Variants in ELAPOR2 observed in about 807,000 individuals in gnomAD.
ELAPOR2 encodes the protein endosome-lysosome associated apoptosis and autophagy regulator family member 2.
ELAPOR2 carries 89 observed loss-of-function variants against 120.7 expected under a neutral mutation model. The ratio of observed to expected loss-of-function variants is 0.74; its 90% CI spans 0.62 to 0.88. The LOEUF (loss-of-function observed/expected upper bound fraction) is 0.88, where lower values mean the gene tolerates loss of function less well. Ranked by LOEUF, ELAPOR2 falls within the 40% of genes least tolerant of loss-of-function variation. The pLI, the probability that ELAPOR2 is intolerant of heterozygous loss-of-function variation, is 0.00. For missense variants in ELAPOR2, 1,134 were observed against 1,251.6 expected (o/e 0.91, Z 1.42); for synonymous variants, 444 against 444.9 (o/e 1.00, Z 0.03).
rs1210293633 is a variant in ELAPOR2 at position 86,908,528 on chromosome 7, G to T, written c.2375C>A (p.Thr792Asn). Residue 792 changes from threonine (T) to asparagine (N), a missense_variant, in exon 17 of 22, where the codon ACC becomes AAC. Around this residue, in one of 3 missense-constraint regions of ELAPOR2, gnomAD observed 831 missense variants for 867.6 expected, o/e 0.96. Coordinates refer to ENST00000450689, the MANE Select transcript of ELAPOR2 (RefSeq NM_001142749.3). ...ADTFIGVTVE[T>N]TLKNINIKED... ...TTTTATATTAATATTTTTCAATGTG[G>T]TTTCAACTGTGACTCCTAGATGACA... is the stretch of plus-strand genomic sequence containing the variant. 1.7e-5 allele frequency: 26 copies of T among 1,544,744 alleles called. No homozygotes were observed. Among genetic ancestry groups the T allele is most frequent in the Non-Finnish European group, 2.2e-5 (25 of 1,135,004 alleles).
intron 21 of ELAPOR2, among the ~76,000 whole-genome samples, chr7:86,887,778 C>T (rs1423771459): frequency 6.6e-6 from 1 of 152,102 alleles, no homozygotes; most frequent in Admixed American, 6.6e-5. Context: ...ATCCACACAT[C>T]TTAATACAGC....
chr7:87,005,530 GT>G (rs1562964931), intron 1 of ELAPOR2, among the ~76,000 whole-genome samples: 5 of 152,280 alleles, frequency 3.3e-5, no homozygotes, highest in African/African-American at 9.6e-5. Flanking sequence ...CTGAATGTAG[GT>G]TTTTATGAAT....
chr7:86,908,412 A>G (rs1287443540), intron 17 of ELAPOR2, 35 bp downstream of exon 17: 1 of 1,161,370 alleles, frequency 8.6e-7, no homozygotes, highest in South Asian at 1.4e-5. Flanking sequence ...TCTTTTGGTT[A>G]AAATATAGTC....
At chr7:87,006,129 A>G (rs1793461096) in intron 1 of ELAPOR2, among the ~76,000 whole-genome samples, 1 of 152,180 alleles carries the variant, frequency 6.6e-6, no homozygotes, top group Non-Finnish European at 1.5e-5. Flanking sequence ...ACCTTTTAGC[A>G]CATACACGGG....
At chr7:87,050,671 A>C (rs1043715961) in intron 1 of ELAPOR2, among the ~76,000 whole-genome samples, 1 of 152,222 alleles carries the variant, frequency 6.6e-6, no homozygotes, top group East Asian at 1.9e-4. Flanking sequence ...AAGGGTGTTG[A>C]ACAAAAGAAT....
At chr7:86,945,151 C>T (rs1292425386) in intron 3 of ELAPOR2, 105 bp from the exon 4 acceptor site, 4 of 983,700 alleles carry the variant, frequency 4.1e-6, no homozygotes, top group African/African-American at 3.4e-5. Flanking sequence ...CAGCAAAGTA[C>T]AGCAGAAAAC....
At chr7:86,909,745 A>G (rs1646854528) in intron 16 of ELAPOR2, 67 bp downstream of exon 16, 1 of 1,330,754 alleles carries the variant, frequency 7.5e-7, no homozygotes. Context: ...CAATACAATG[A>G]CAAGTTATTC....
intron 1 of ELAPOR2, among the ~76,000 whole-genome samples, chr7:87,049,257 G>C (rs1273948843): frequency 2.7e-5 from 4 of 149,970 alleles, no homozygotes; most frequent in African/African-American, 9.8e-5. Context: ...TGTAGATTGA[G>C]AGGAAGGGAT....
At chr7:86,919,365 C>A in intron 10 of ELAPOR2, 55 bp from the exon 11 acceptor site, 2 of 1,073,236 alleles carry the variant, frequency 1.9e-6, no homozygotes, top group South Asian at 1.5e-5. Context: ...TGATCTCCAA[C>A]AATCTGTTTA....
chr7:87,042,857 C>A (rs1310640919), intron 1 of ELAPOR2, among the ~76,000 whole-genome samples: 1 of 152,020 alleles, frequency 6.6e-6, no homozygotes, highest in Non-Finnish European at 1.5e-5. Flanking sequence ...AATTGAATGA[C>A]CACTAGAAAG....
rs1765907570 is a variant in ELAPOR2, at chr7:86,940,368, C to CA, written c.742-254dup. ...AGAAATCTTCAAGTCTAAACAAACACAAAAAATGATTCTCAAACCATCTGC... is the reference window on the plus strand; with the variant it reads ...AGAAATCTTCAAGTCTAAACAAACACAAAAAAATGATTCTCAAACCATCTGC... On this transcript the variant is annotated intron_variant, in intron 5 of 21. Transcript: ENST00000450689. 2.6e-5 allele frequency among the ~76,000 whole-genome samples: 4 copies of CA among 151,960 alleles called. No homozygotes were observed. In the South Asian group the frequency reaches 8.3e-4, roughly 31 times the overall value.
chr7:86,924,451 C>T (rs1216985623), intron 10 of ELAPOR2, among the ~76,000 whole-genome samples: 1 of 151,438 alleles, frequency 6.6e-6, no homozygotes, highest in East Asian at 1.9e-4. Context: ...CCCTTGCCTT[C>T]CCAATCTTAT....
At chr7:86,914,446 A>C (rs1282915031) in intron 13 of ELAPOR2, among the ~76,000 whole-genome samples, 1 of 152,196 alleles carries the variant, frequency 6.6e-6, no homozygotes, top group East Asian at 1.9e-4. Flanking sequence ...AGAGAACTGC[A>C]AAATTAGATT....
chr7:86,888,462 C>T (rs1168859865), intron 21 of ELAPOR2, among the ~76,000 whole-genome samples: 2 of 152,050 alleles, frequency 1.3e-5, no homozygotes, highest in Non-Finnish European at 2.9e-5. Flanking sequence ...AAGAAAAATG[C>T]TCTGATGTGG....
At chr7:86,981,967 T>G (rs1190091116) in intron 1 of ELAPOR2, among the ~76,000 whole-genome samples, 1 of 152,244 alleles carries the variant, frequency 6.6e-6, no homozygotes, top group African/African-American at 2.4e-5. Flanking sequence ...CATACTGCGC[T>G]TTCCCAATGG....
intron 1 of ELAPOR2, among the ~76,000 whole-genome samples, chr7:87,042,277 G>A (rs1490796653): frequency 6.6e-6 from 1 of 150,848 alleles, no homozygotes; most frequent in East Asian, 1.9e-4. Context: ...GACATCTACA[G>A]AACTCTCCAC....
chr7:87,035,209 A>T (rs1562978157), intron 1 of ELAPOR2, among the ~76,000 whole-genome samples: 1 of 152,202 alleles, frequency 6.6e-6, no homozygotes, highest in Non-Finnish European at 1.5e-5. Context: ...CTGCCCCTTA[A>T]ATCCAGCATA....
chr7:86,958,358 T>C (rs939856821), intron 2 of ELAPOR2, among the ~76,000 whole-genome samples: 1 of 152,258 alleles, frequency 6.6e-6, no homozygotes, highest in Non-Finnish European at 1.5e-5. Flanking sequence ...ATACCTGGCA[T>C]ATAGCAAGTA....
At chr7:86,991,251 G>GGT (rs1185971258) in intron 1 of ELAPOR2, among the ~76,000 whole-genome samples, 2 of 152,162 alleles carry the variant, frequency 1.3e-5, no homozygotes. Flanking sequence ...TGATGTATCA[G>GGT]GTGAATGTTG....
Sources: allele counts gnomAD v4.1 joint callset (sites outside exome capture counted in the v4.1 genomes callset), GRCh38; gene constraint gnomAD v4.1.1; regional missense constraint gnomAD v4.1.1; transcripts MANE v1.5; gene names NCBI Gene and HGNC (gene_info 2026-07-23, HGNC 2026-07-21).